Variants in MRPL42 observed in about 807,000 individuals in gnomAD.
MRPL42 encodes the protein large ribosomal subunit protein mL42.
A neutral mutation model predicts 17.9 loss-of-function variants in MRPL42; 17 were observed. The ratio of observed to expected loss-of-function variants is 0.95; its 90% confidence interval spans 0.65 to 1.42. The LOEUF is 1.42. Among genes scored for constraint, MRPL42 ranks in the 40% most tolerant of loss-of-function variants. The pLI is 0.00. For synonymous variants in MRPL42, 59 were observed against 54.4 expected (o/e 1.08, Z -0.37); for missense variants, 177 against 175.2 (o/e 1.01, Z -0.06).
intron 3 of MRPL42, among the ~76,000 whole-genome samples, chr12:93,478,588 A>G (rs1174885622): frequency 2.0e-5 from 3 of 152,180 alleles, no homozygotes; most frequent in Non-Finnish European, 2.9e-5. Context: ...GTACTATAAT[A>G]GCGATGAAAT....
In MRPL42 at chr12:93,501,204, C is replaced by T. The variant is rs763030799; in HGVS notation, c.412C>T (p.Pro138Ser). 6.2e-7 allele frequency: 1 copy of T among 1,601,432 alleles called. No homozygotes were observed. The change falls in exon 6 of 6, where the codon CCT becomes TCT. Residue 138 changes from proline to serine, a missense_variant. Physicochemically the swap from Pro to Ser is moderately conservative, Grantham distance 74 (BLOSUM62 -1). Coordinates refer to ENST00000549982, the MANE Select transcript of MRPL42 (RefSeq NM_014050.4). The part of the protein sequence containing the change: ...RYHRCRKNLN[P>S]PKDR ...TCACAGATGTCGTAAGAATCTGAAT[C>T]CTCCAAAAGACAGATGATGCGGAGG...
chr12:93,495,177 G>A (rs74532660), intron 5 of MRPL42, among the ~76,000 whole-genome samples: 3,160 of 152,164 alleles, frequency 0.021, 89 homozygotes, highest in African/African-American at 0.067. Context: ...CCTTCAAATT[G>A]TCTGTGAGCC....
intron 2 of MRPL42, among the ~76,000 whole-genome samples, chr12:93,473,865 G>T (rs1880028371): frequency 6.6e-6 from 1 of 152,190 alleles, no homozygotes; most frequent in Non-Finnish European, 1.5e-5. Flanking sequence ...ACCATGCCCA[G>T]TCCTTATGAA....
intron 5 of MRPL42, among the ~76,000 whole-genome samples, chr12:93,499,968 A>G (rs1953560387): frequency 6.6e-6 from 1 of 152,210 alleles, no homozygotes; most frequent in African/African-American, 2.4e-5. Flanking sequence ...TCTGACCTGA[A>G]GGAAATTTTT....
chr12:93,497,641 T>C (rs1953528762), intron 5 of MRPL42, among the ~76,000 whole-genome samples: 1 of 151,824 alleles, frequency 6.6e-6, no homozygotes, highest in African/African-American at 2.4e-5. Context: ...AAGCAAAAGC[T>C]GAGATCATTT....
At chr12:93,480,998 T>G (rs1664685770) in intron 4 of MRPL42, among the ~76,000 whole-genome samples, 1 of 152,214 alleles carries the variant, frequency 6.6e-6, no homozygotes, top group Non-Finnish European at 1.5e-5. Flanking sequence ...TTTTGGCCTA[T>G]AAACCCTCCA....
rs1248499357 is a variant in MRPL42 at position 93,507,630 on chromosome 12, C to T, written c.*6409C>T. Reference sequence around the variant, plus strand: ...TTCTTATAGTCTGGATCCAGCTCAGCTTATCTTGGCTGGACTTGCCCATGC... The same window carrying T: ...TTCTTATAGTCTGGATCCAGCTCAGTTTATCTTGGCTGGACTTGCCCATGC... On this transcript the variant is annotated 3_prime_UTR_variant, in exon 6 of 6. Transcript: ENST00000549982. 4 of 152,242 alleles carry T rather than the reference C, an allele frequency of 2.6e-5. No homozygotes were observed. The highest frequency in any genetic ancestry group is 5.9e-5 in the Non-Finnish European group (4 of 68,064). 9.4% of individuals were successfully genotyped at this position (152,242 alleles called of 1,614,324 possible). A position where few individuals can be genotyped will look rare whatever the true frequency, so the allele number is the denominator to read the frequency against.
Position 93,511,261 on chromosome 12 carries a change from TAAAG to T in MRPL42, c.*10042_*10045del, listed in dbSNP as rs962472170. ...TAAATCAACATTTAAATACAGAACATAAAGAGATAAATCCAAAACCAGAAGATCT... is the reference window on the plus strand; with the variant it reads ...TAAATCAACATTTAAATACAGAACATAGATAAATCCAAAACCAGAAGATCT... On this transcript the variant is annotated 3_prime_UTR_variant, in exon 6 of 6. Transcript: ENST00000549982. 2.6e-5 allele frequency: 4 copies of T among 152,084 alleles called. No homozygotes were observed. Among genetic ancestry groups the T allele is most frequent in the African/African-American group, 4.8e-5 (2 of 41,402 alleles). 9.4% of individuals were successfully genotyped at this position (152,084 alleles called of 1,614,324 possible).
At chr12:93,489,811 C>G (rs940556462) in intron 5 of MRPL42, among the ~76,000 whole-genome samples, 4 of 152,240 alleles carry the variant, frequency 2.6e-5, no homozygotes, top group Non-Finnish European at 5.9e-5. Context: ...GCTGGGATTA[C>G]AGGCGTGAGC....
Position 93,479,462 on chromosome 12 carries a change from A to G in MRPL42, c.209A>G (p.Glu70Gly), listed in dbSNP as rs1193958827. ...CACCCTTCTGTGGACATTCCATATG[A>G]ACACACAAAAGTATGTATGAGAAAA... is the stretch of plus-strand genomic sequence containing the variant. ...CYHPSVDIPY[E>G]HTKPIPRPDP... The change falls in exon 4 of 6, where the codon GAA becomes GGA. Residue 70 changes from glutamate (E) to glycine (G), a missense_variant. Physicochemically the swap from Glu to Gly is moderately conservative, Grantham distance 98. Coordinates refer to ENST00000549982, the MANE Select transcript of MRPL42 (RefSeq NM_014050.4). The G allele has an allele frequency of 2.3e-5, 37 of 1,606,670 alleles. No homozygotes were observed. Among genetic ancestry groups the G allele is most frequent in the Non-Finnish European group, 3.1e-5 (37 of 1,175,106 alleles).
chr12:93,489,632 C>T (rs1410523543), intron 5 of MRPL42, among the ~76,000 whole-genome samples: 2 of 152,132 alleles, frequency 1.3e-5, no homozygotes, highest in Non-Finnish European at 2.9e-5. Flanking sequence ...CTCCCAGGTT[C>T]GAGTGATTCT....
intron 2 of MRPL42, among the ~76,000 whole-genome samples, chr12:93,474,958 T>C (rs1285492150): frequency 6.6e-6 from 1 of 151,854 alleles, no homozygotes; most frequent in Non-Finnish European, 1.5e-5. Context: ...TAGCCGGACA[T>C]GGTGGGCGCC....
At chr12:93,477,709 C>A (rs1389000102) in intron 3 of MRPL42, among the ~76,000 whole-genome samples, 1 of 152,078 alleles carries the variant, frequency 6.6e-6, no homozygotes, top group Non-Finnish European at 1.5e-5. Context: ...GTCACCCAGG[C>A]TGGAGAGCAG....
In MRPL42 at chr12:93,501,258, C is replaced by T. The variant is rs745315088; in HGVS notation, c.*37C>T. ...CTGGGGGAATCAAAGAGAAATGTGC[C>T]TCATTTGCCATTTGAGAAAATGCAG... On this transcript the variant is annotated 3_prime_UTR_variant, in exon 6 of 6. Coordinates refer to ENST00000549982, the MANE Select transcript of MRPL42 (RefSeq NM_014050.4). 14 of 1,549,982 alleles carry T rather than the reference C, an allele frequency of 9.0e-6. No individual in the cohort carries two copies. The highest frequency in any genetic ancestry group is 2.3e-4 in the Middle Eastern group (1 of 4,364).
rs186500825 is a variant in MRPL42, at chr12:93,515,066, T to C, written c.*13845T>C. 6.6e-6 allele frequency: 1 copy of C among 152,324 alleles called. No individual in the cohort carries two copies. Among genetic ancestry groups the C allele is most frequent in the East Asian group, 1.9e-4 (1 of 5,186 alleles). 9.4% of individuals were successfully genotyped at this position (152,324 alleles called of 1,614,324 possible). A position where few individuals can be genotyped will look rare whatever the true frequency, so the allele number is the denominator to read the frequency against. Reference sequence around the variant, plus strand: ...CTTTTCGGGAGAAAAGAAAAAAGTTTATTTTCATTGCTAACCTCACTGATT... The same window carrying C: ...CTTTTCGGGAGAAAAGAAAAAAGTTCATTTTCATTGCTAACCTCACTGATT... On this transcript the variant is annotated 3_prime_UTR_variant, in exon 6 of 6. Coordinates refer to ENST00000549982, the MANE Select transcript of MRPL42 (RefSeq NM_014050.4).
rs1464283683 is a variant in MRPL42, at chr12:93,507,629, G to C, written c.*6408G>C. The C allele has an allele frequency of 1.3e-5, 2 of 152,214 alleles. No homozygotes were observed. The highest frequency in any genetic ancestry group is 2.9e-5 in the Non-Finnish European group (2 of 68,058). The allele number at this position is 152,214 out of a possible 1,614,324, so 9.4% of individuals were successfully genotyped here. On this transcript the variant is annotated 3_prime_UTR_variant, in exon 6 of 6. Transcript: ENST00000549982. The stretch of plus-strand genomic sequence containing the variant: ...ATTCTTATAGTCTGGATCCAGCTCA[G>C]CTTATCTTGGCTGGACTTGCCCATG...
At chr12:93,476,637 T>C (rs1880196718) in intron 2 of MRPL42, among the ~76,000 whole-genome samples, 1 of 152,256 alleles carries the variant, frequency 6.6e-6, no homozygotes, top group Admixed American at 6.5e-5. Flanking sequence ...GGACATCATC[T>C]CCACTGAAAA....
intron 5 of MRPL42, among the ~76,000 whole-genome samples, chr12:93,494,713 T>A (rs1284949626): frequency 6.6e-6 from 1 of 152,168 alleles, no homozygotes; most frequent in Non-Finnish European, 1.5e-5. Context: ...TTTAATGCCA[T>A]GGGACTGGAC....
intron 4 of MRPL42, among the ~76,000 whole-genome samples, chr12:93,484,638 C>T (rs1203228933): frequency 6.6e-6 from 1 of 151,854 alleles, no homozygotes; most frequent in Admixed American, 6.6e-5. Flanking sequence ...GCCCTGTCAC[C>T]CAGGGTGGAA....
Sources: gnomAD v4.1 joint callset for allele counts (sites outside exome capture counted in the v4.1 genomes callset) on GRCh38, gnomAD v4.1.1 for gene constraint, MANE v1.5 for transcripts, NCBI Gene and HGNC (gene_info 2026-07-23, HGNC 2026-07-21) for gene names.